The following DLGAP2 variants were observed in gnomAD, a reference collection of about 807,000 sequenced individuals.
The protein encoded by DLGAP2 is disks large-associated protein 2.
A neutral mutation model predicts 100.3 loss-of-function variants in DLGAP2; 26 were observed. The ratio of observed to expected loss-of-function variants is 0.26; its 90% CI spans 0.19 to 0.36. The LOEUF (loss-of-function observed/expected upper bound fraction) is 0.36. Ranked by LOEUF, DLGAP2 falls within the 10% of genes least tolerant of loss-of-function variation. The probability of loss-of-function intolerance (pLI) is 1.00; values close to 1 mark genes in which losing one functional copy is unlikely to be tolerated. For missense variants in DLGAP2, 1,858 were observed against 1,453.2 expected, an observed-to-expected ratio of 1.28 and a Z score of -4.53; for synonymous variants, 886 against 630.1, an observed-to-expected ratio of 1.41 and a Z score of -6.08.
At chr8:1,364,384 A>C (rs1802057951) in intron 3 of DLGAP2, among the ~76,000 whole-genome samples, 1 of 151,828 alleles carries the variant, frequency 6.6e-6, no homozygotes, top group Non-Finnish European at 1.5e-5. Flanking sequence ...CGGAATGAGG[A>C]GTGGTCTCCT....
intron 8 of DLGAP2, among the ~76,000 whole-genome samples, chr8:1,644,375 C>G (rs1292453348): frequency 6.6e-6 from 1 of 152,244 alleles, no homozygotes; most frequent in Non-Finnish European, 1.5e-5. Flanking sequence ...CCAGACGGCC[C>G]AGCTGCCCTC....
chr8:878,154 G>A (rs1797720068), intron 1 of DLGAP2, among the ~76,000 whole-genome samples: 1 of 152,164 alleles, frequency 6.6e-6, no homozygotes, highest in Non-Finnish European at 1.5e-5. Context: ...TTTTAACAAT[G>A]GGAGAGACTT....
intron 2 of DLGAP2, among the ~76,000 whole-genome samples, chr8:1,168,520 C>A (rs1202552853): frequency 2.0e-5 from 3 of 147,876 alleles, no homozygotes; most frequent in Non-Finnish European, 3.0e-5. Flanking sequence ...TTTCCTATTT[C>A]TCCACATCCT....
chr8:1,176,142 A>G (rs757132140), intron 2 of DLGAP2, among the ~76,000 whole-genome samples: 1 of 152,194 alleles, frequency 6.6e-6, no homozygotes, highest in Non-Finnish European at 1.5e-5. Flanking sequence ...GGCCTCAGGA[A>G]ACTTACAATT....
chr8:1,283,474 T>C (rs1045995598), intron 3 of DLGAP2, among the ~76,000 whole-genome samples: 8 of 152,256 alleles, frequency 5.3e-5, no homozygotes, highest in African/African-American at 1.9e-4. Context: ...TACAAATGTA[T>C]CATCCTTTGC....
At chr8:1,678,705 T>A in intron 12 of DLGAP2, 76 bp downstream of exon 12, 3 of 1,377,160 alleles carry the variant, frequency 2.2e-6, no homozygotes, top group Non-Finnish European at 2.8e-6. Flanking sequence ...ACAGCATTAG[T>A]GGAGAAAAGT....
intron 4 of DLGAP2, among the ~76,000 whole-genome samples, chr8:1,531,476 G>T (rs1800988310): frequency 6.6e-6 from 1 of 151,922 alleles, no homozygotes; most frequent in Admixed American, 6.6e-5. Context: ...GTATTAATTT[G>T]TATTTTCATG....
intron 3 of DLGAP2, among the ~76,000 whole-genome samples, chr8:1,339,519 AC>A (rs1801371468): frequency 6.6e-6 from 1 of 152,182 alleles, no homozygotes; most frequent in African/African-American, 2.4e-5. Flanking sequence ...GTCCCCTGAC[AC>A]CCCCAGTGGG....
At chr8:769,204 A>C (rs1326209469) in intron 1 of DLGAP2, among the ~76,000 whole-genome samples, 3 of 152,106 alleles carry the variant, frequency 2.0e-5, no homozygotes, top group Non-Finnish European at 4.4e-5. Flanking sequence ...TTTCATCCCG[A>C]GGGGCAATCT....
chr8:1,307,120 T>A (rs1317650903), intron 3 of DLGAP2, among the ~76,000 whole-genome samples: 1 of 152,180 alleles, frequency 6.6e-6, no homozygotes, highest in Non-Finnish European at 1.5e-5. Context: ...AGATATCATA[T>A]ATCAAAATTC....
intron 2 of DLGAP2, among the ~76,000 whole-genome samples, chr8:1,046,193 T>C (rs921622593): frequency 1.3e-5 from 2 of 152,210 alleles, no homozygotes; most frequent in African/African-American, 4.8e-5. Flanking sequence ...TTAATCACTT[T>C]TATTTTCCTA....
chr8:1,575,834 A>G (rs1467083564), intron 6 of DLGAP2, among the ~76,000 whole-genome samples: 1 of 151,934 alleles, frequency 6.6e-6, no homozygotes, highest in African/African-American at 2.4e-5. Context: ...TCCATGGTGT[A>G]TATGTGCCAC....
chr8:1,547,479 G>A (rs372473854), intron 4 of DLGAP2, among the ~76,000 whole-genome samples: 18 of 152,056 alleles, frequency 1.2e-4, no homozygotes, highest in African/African-American at 4.1e-4. Flanking sequence ...GAGGGTCTGG[G>A]GCAGGAGGGG....
chr8:1,202,845 G>A (rs1797908576), intron 2 of DLGAP2, among the ~76,000 whole-genome samples: 2 of 152,232 alleles, frequency 1.3e-5, no homozygotes, highest in Admixed American at 1.3e-4. Context: ...GGAAAAAGCA[G>A]CCATGTCTTG....
Position 1,638,551 on chromosome 8 carries a change from G to A in DLGAP2, c.1810+5505G>A, listed in dbSNP as rs78622266. On this transcript the variant is annotated intron_variant, in intron 8 of 14. Transcript: ENST00000637795. ...CCCGCGGCCCGGCCGTACTGCAGAA[G>A]AGCACGGAGAAGACAGCTCCTCAAA... Among the ~76,000 whole-genome samples the A allele has an allele frequency of 9.0e-3, 1,368 of 152,292 alleles. 20 individuals are homozygous for A. Among genetic ancestry groups the A allele is most frequent in the African/African-American group, 0.031 (1,299 of 41,568 alleles).
At position 1,677,991 on chromosome 8, in the gene DLGAP2, T is replaced by C. The variant is rs563107911; in HGVS notation, c.2289-223T>C. On this transcript the variant is annotated intron_variant, in intron 11 of 14. Coordinates refer to ENST00000637795, the MANE Select transcript of DLGAP2 (RefSeq NM_001346810.2). ...AAACTTAAATCCCAAGTGGGTGTTA[T>C]TTAGGCCTGAGACTTAGGCAGATGT... Among the ~76,000 whole-genome samples the C allele has an allele frequency of 4.3e-4, 66 of 152,352 alleles. 1 individual carries two copies. Among genetic ancestry groups the C allele is most frequent in the African/African-American group, 1.4e-3 (59 of 41,582 alleles).
chr8:900,271 A>C (rs13279280), intron 1 of DLGAP2, among the ~76,000 whole-genome samples: 2 of 137,902 alleles, frequency 1.5e-5, no homozygotes, highest in South Asian at 2.4e-4. Flanking sequence ...GGTCGGCGCC[A>C]TCCTGTTCAC....
Position 1,435,599 on chromosome 8 carries a change from G to T in DLGAP2, c.107-65767G>T, listed in dbSNP as rs528154104. On this transcript the variant is annotated intron_variant, in intron 3 of 14. Transcript: ENST00000637795. ...CCATGTTGCTGGTTTATGCATCTGG[G>T]ATACTGTACGTTTCATTATTATTTT... Among the ~76,000 whole-genome samples, 7 of 152,098 alleles carry T rather than the reference G, an allele frequency of 4.6e-5. No homozygotes were observed. The South Asian group carries it at 6.2e-4, about 14-fold the overall frequency.
intron 2 of DLGAP2, among the ~76,000 whole-genome samples, chr8:1,064,345 A>G (rs1195398206): frequency 6.6e-6 from 1 of 152,252 alleles, no homozygotes; most frequent in East Asian, 1.9e-4. Context: ...AGAGGTACAC[A>G]CAATTCCTCA....
Sources: allele counts gnomAD v4.1 joint callset (sites outside exome capture counted in the v4.1 genomes callset), GRCh38; gene constraint gnomAD v4.1.1; transcripts MANE v1.5; gene names NCBI Gene and HGNC (gene_info 2026-07-23, HGNC 2026-07-21).